Variants in CADM2 observed in about 807,000 individuals in gnomAD.
The protein encoded by CADM2 is immunoglobulin superfamily member 4D.
In CADM2, 12 loss-of-function variants were observed where a neutral mutation model predicts 49.8. The observed-to-expected ratio is 0.24, with a 90% CI of 0.15 to 0.39. CADM2 has a LOEUF of 0.39. CADM2 is among the 10% of genes least tolerant of loss of function. The probability of loss-of-function intolerance (pLI) is 1.00; values close to 1 mark genes in which losing one functional copy is unlikely to be tolerated. For synonymous variants in CADM2, 214 were observed against 175.4 expected, an observed-to-expected ratio of 1.22 and a Z score of -1.74; for missense variants, 378 against 492.3, an observed-to-expected ratio of 0.77 and a Z score of 2.20.
At chr3:85,831,936 T>G (rs2108231800) in intron 3 of CADM2, among the ~76,000 whole-genome samples, 1 of 152,138 alleles carries the variant, frequency 6.6e-6, no homozygotes, top group African/African-American at 2.4e-5. Context: ...GGTTTTCTTC[T>G]AGAATTTTTA....
intron 1 of CADM2, among the ~76,000 whole-genome samples, chr3:85,082,700 T>A (rs1046041376): frequency 7.9e-5 from 12 of 151,990 alleles, no homozygotes; most frequent in Non-Finnish European, 1.8e-4. Flanking sequence ...CGGTTAGGGG[T>A]CTTATTGCAA....
intron 1 of CADM2, among the ~76,000 whole-genome samples, chr3:85,081,264 C>T (rs2037154017): frequency 6.6e-6 from 1 of 152,058 alleles, no homozygotes; most frequent in African/African-American, 2.4e-5. Flanking sequence ...ATCAGACAAA[C>T]ATCTACCCAC....
chr3:85,436,815 G>A (rs1427899887), intron 1 of CADM2, among the ~76,000 whole-genome samples: 6 of 152,030 alleles, frequency 3.9e-5, no homozygotes, highest in African/African-American at 9.7e-5. Context: ...TTGCCAAAGC[G>A]GTACATTTGT....
In CADM2 at chr3:85,104,739, A is replaced by T. The variant is rs370265250; in HGVS notation, c.61+145071A>T. Among the ~76,000 whole-genome samples, 12 of 152,120 alleles carry T rather than the reference A, an allele frequency of 7.9e-5. 1 individual carries two copies. In the East Asian group the frequency reaches 1.9e-3, roughly 25 times the overall value. ...CTTCCATTTGTTTGTATCGTCTTTT[A>T]TTTCATTGAGCAGTGGTTTGTAGTT... On this transcript the variant is annotated intron_variant, in intron 1 of 9. Transcript: ENST00000383699.
At chr3:85,671,093 T>C (rs1040170688) in intron 1 of CADM2, among the ~76,000 whole-genome samples, 3 of 152,206 alleles carry the variant, frequency 2.0e-5, no homozygotes, top group Non-Finnish European at 4.4e-5. Flanking sequence ...AAGTGCTTTG[T>C]TGGACAAAAG....
At chr3:85,926,050 T>C (rs1330274550) in intron 6 of CADM2, among the ~76,000 whole-genome samples, 1 of 151,594 alleles carries the variant, frequency 6.6e-6, no homozygotes, top group Non-Finnish European at 1.5e-5. Context: ...GGCAGGAGAA[T>C]GGCATGAACC....
intron 1 of CADM2, among the ~76,000 whole-genome samples, chr3:85,700,362 C>T (rs1450734867): frequency 6.6e-6 from 1 of 152,094 alleles, no homozygotes; most frequent in Non-Finnish European, 1.5e-5. Context: ...GGAGGGATAT[C>T]ATTAGGAGAA....
At chr3:85,818,201 T>G (rs1185837605) in intron 3 of CADM2, among the ~76,000 whole-genome samples, 1 of 152,078 alleles carries the variant, frequency 6.6e-6, no homozygotes, top group African/African-American at 2.4e-5. Flanking sequence ...CAATGGCTAC[T>G]CTAAAGGATT....
chr3:85,567,740 T>C (rs2062310014), intron 1 of CADM2, among the ~76,000 whole-genome samples: 1 of 152,188 alleles, frequency 6.6e-6, no homozygotes. Flanking sequence ...CCCATGACAG[T>C]CCATCTGCAA....
chr3:86,028,173 C>T (rs994324093), intron 8 of CADM2, among the ~76,000 whole-genome samples: 5 of 147,266 alleles, frequency 3.4e-5, no homozygotes, highest in African/African-American at 1.3e-4. Flanking sequence ...GCACGTTGTG[C>T]ACGTGTACCC....
At chr3:85,535,184 T>C (rs951111645) in intron 1 of CADM2, among the ~76,000 whole-genome samples, 14 of 152,150 alleles carry the variant, frequency 9.2e-5, no homozygotes, top group African/African-American at 3.4e-4. Context: ...TCTTACCTTA[T>C]TTAAATCTTA....
chr3:85,010,771 T>C (rs1440720061), intron 1 of CADM2, among the ~76,000 whole-genome samples: 1 of 151,628 alleles, frequency 6.6e-6, no homozygotes, highest in Non-Finnish European at 1.5e-5. Flanking sequence ...GCAATATATA[T>C]TGTGATAATA....
At chr3:85,633,881 A>G (rs1362250413) in intron 1 of CADM2, among the ~76,000 whole-genome samples, 1 of 152,116 alleles carries the variant, frequency 6.6e-6, no homozygotes, top group East Asian at 1.9e-4. Flanking sequence ...TGAGAGTATG[A>G]CGAAGCAGTT....
chr3:85,177,886 C>T (rs1012877120), intron 1 of CADM2, among the ~76,000 whole-genome samples: 1 of 151,840 alleles, frequency 6.6e-6, no homozygotes, highest in Non-Finnish European at 1.5e-5. Context: ...ATACACACTA[C>T]AAGAACACTG....
At chr3:85,785,756 G>T (rs373291012) in intron 2 of CADM2, among the ~76,000 whole-genome samples, 1 of 152,046 alleles carries the variant, frequency 6.6e-6, no homozygotes, top group African/African-American at 2.4e-5. Flanking sequence ...GTCTATTTAA[G>T]CATTTTTGTC....
chr3:85,570,303 A>G (rs2062437800), intron 1 of CADM2, among the ~76,000 whole-genome samples: 2 of 152,176 alleles, frequency 1.3e-5, no homozygotes, highest in Non-Finnish European at 2.9e-5. Flanking sequence ...TAATAATTAC[A>G]TATCAAAACA....
chr3:85,279,208 A>G (rs2043437225), intron 1 of CADM2, among the ~76,000 whole-genome samples: 1 of 151,468 alleles, frequency 6.6e-6, no homozygotes, highest in South Asian at 2.1e-4. Context: ...AATCACTTCA[A>G]TAAATATGTT....
At chr3:85,439,697 CCCCTAAAATTTCCATGGACTGT>C (rs2037106863) in intron 1 of CADM2, among the ~76,000 whole-genome samples, 1 of 151,800 alleles carries the variant, frequency 6.6e-6, no homozygotes, top group Non-Finnish European at 1.5e-5. Flanking sequence ...CACTTGACTC[CCCCTAAAATTTCCATGGACTGT>C]CCCTAAAATC....
chr3:85,625,925 C>T lies in CADM2; in HGVS notation c.62-100597C>T, dbSNP rs552300066. On this transcript the variant is annotated intron_variant, in intron 1 of 9. Transcript: ENST00000383699. ...ATCTTGACCCTGTTTTTATATGTAC[C>T]AAACTTGATTGTCGTTAATTTTGGA... Among the ~76,000 whole-genome samples the T allele has an allele frequency of 2.6e-5, 4 of 151,972 alleles. No homozygotes were observed. In the East Asian group the frequency reaches 7.8e-4, roughly 29 times the overall value.
Sources: gnomAD v4.1 joint callset for allele counts (sites outside exome capture counted in the v4.1 genomes callset) on GRCh38, gnomAD v4.1.1 for gene constraint, MANE v1.5 for transcripts, NCBI Gene and HGNC (gene_info 2026-07-23, HGNC 2026-07-21) for gene names.